Variants in WWC2 observed in about 807,000 individuals in gnomAD.
The protein encoded by WWC2 is protein WWC2.
A neutral mutation model predicts 138.5 loss-of-function variants in WWC2; 101 were observed. The ratio of observed to expected loss-of-function variants is 0.73; its 90% CI spans 0.62 to 0.86. WWC2 has a LOEUF of 0.86. Among genes scored for constraint, WWC2 ranks in the 40% least tolerant of loss-of-function variants. WWC2 has a pLI of 0.00. For synonymous variants in WWC2, 558 were observed against 538.4 expected (o/e 1.04, Z -0.50); for missense variants, 1,420 against 1,419.4 (o/e 1.00, Z -0.01).
At chr4:183,315,595 T>A in intron 22 of WWC2, 68 bp from the exon 23 acceptor site, 1 of 1,290,066 alleles carries the variant, frequency 7.8e-7, no homozygotes, top group East Asian at 2.4e-5. Context: ...TCTTGGGGAC[T>A]GTTTTAATGG....
chr4:183,187,825 A>G (rs959334341), intron 1 of WWC2, among the ~76,000 whole-genome samples: 1 of 151,840 alleles, frequency 6.6e-6, no homozygotes, highest in Non-Finnish European at 1.5e-5. Context: ...GTGAGCCAAG[A>G]TCGTGCCATT....
chr4:183,303,821 G>A (rs1011738643), intron 21 of WWC2, among the ~76,000 whole-genome samples: 2 of 151,414 alleles, frequency 1.3e-5, no homozygotes, highest in Non-Finnish European at 2.9e-5. Context: ...ACTGATGTAG[G>A]CTTATTGTGG....
chr4:183,220,369 C>T (rs1475604787), intron 4 of WWC2, among the ~76,000 whole-genome samples: 1 of 152,098 alleles, frequency 6.6e-6, no homozygotes. Flanking sequence ...TATAGCAGGC[C>T]ATGTGCAGTC....
At chr4:183,262,351 C>G (rs549764762) in intron 11 of WWC2, among the ~76,000 whole-genome samples, 1 of 152,334 alleles carries the variant, frequency 6.6e-6, no homozygotes, top group African/African-American at 2.4e-5. Flanking sequence ...TCATCTACAG[C>G]TGTCCTGTTC....
chr4:183,213,268 G>A (rs1012819526), intron 4 of WWC2, among the ~76,000 whole-genome samples: 1 of 152,222 alleles, frequency 6.6e-6, no homozygotes, highest in African/African-American at 2.4e-5. Flanking sequence ...CCATTCAGAA[G>A]TGGATGGGTA....
At chr4:183,210,425 ATAAGT>A (rs1332761256) in intron 4 of WWC2, among the ~76,000 whole-genome samples, 2 of 152,072 alleles carry the variant, frequency 1.3e-5, no homozygotes, top group Non-Finnish European at 2.9e-5. Flanking sequence ...TTCTTGTTAA[ATAAGT>A]TAAATAAGTA....
intron 8 of WWC2, among the ~76,000 whole-genome samples, chr4:183,252,640 G>C (rs1737014969): frequency 6.6e-6 from 1 of 152,184 alleles, no homozygotes; most frequent in African/African-American, 2.4e-5. Flanking sequence ...CATGCCAGCT[G>C]CCTGTACTAG....
intron 4 of WWC2, among the ~76,000 whole-genome samples, chr4:183,214,004 A>G (rs1460737118): frequency 6.6e-6 from 1 of 152,086 alleles, no homozygotes; most frequent in Non-Finnish European, 1.5e-5. Context: ...TTTTTGGCTA[A>G]TTTTTATTAC....
rs200128539 is a variant in WWC2 at position 183,276,972 on chromosome 4, T to TTTATTATTA, written c.2563-3787_2563-3779dup. Among the ~76,000 whole-genome samples the TTTATTATTA allele has an allele frequency of 9.9e-3, 1,495 of 150,372 alleles. 22 individuals carry two copies. Among genetic ancestry groups the TTTATTATTA allele is most frequent in the African/African-American group, 0.035 (1,435 of 41,122 alleles). ...TTAGTTCATACAGCATCATTTCTTT[T>TTTATTATTA]TTATTATTATTATTATTATTATTAT... On this transcript the variant is annotated intron_variant, in intron 16 of 22. Coordinates refer to ENST00000403733, the MANE Select transcript of WWC2 (RefSeq NM_024949.6).
At chr4:183,231,923 G>C (rs1023073455) in intron 4 of WWC2, among the ~76,000 whole-genome samples, 3 of 152,178 alleles carry the variant, frequency 2.0e-5, no homozygotes, top group Non-Finnish European at 4.4e-5. Context: ...TCAGGTGGGG[G>C]AGAATCAGCG....
intron 1 of WWC2, among the ~76,000 whole-genome samples, chr4:183,124,363 C>CT (rs1176554550): frequency 4.9e-4 from 72 of 147,660 alleles, no homozygotes; most frequent in East Asian, 9.9e-4. Context: ...GTGCTTTTTT[C>CT]TTTTTTTTTT....
At chr4:183,247,560 CTATATAT>C (rs1454987323) in intron 6 of WWC2, among the ~76,000 whole-genome samples, 1 of 139,042 alleles carries the variant, frequency 7.2e-6, no homozygotes, top group African/African-American at 2.7e-5. Flanking sequence ...ACTGTATATA[CTATATAT>C]GCTCTATATA....
chr4:183,279,323 A>G (rs1275971944), intron 16 of WWC2, among the ~76,000 whole-genome samples: 1 of 151,994 alleles, frequency 6.6e-6, no homozygotes, highest in Non-Finnish European at 1.5e-5. Flanking sequence ...CCAGGGATGA[A>G]GCCCACTTGA....
chr4:183,154,738 C>T (rs1221230814), intron 1 of WWC2, among the ~76,000 whole-genome samples: 1 of 152,166 alleles, frequency 6.6e-6, no homozygotes, highest in Non-Finnish European at 1.5e-5. Flanking sequence ...TTGCAGCCAT[C>T]CCCCACATTC....
intron 1 of WWC2, among the ~76,000 whole-genome samples, chr4:183,100,409 G>C (rs1743140126): frequency 6.6e-6 from 1 of 152,140 alleles, no homozygotes; most frequent in Non-Finnish European, 1.5e-5. Context: ...ATGTTTCTGT[G>C]TCCCATATTT....
At chr4:183,176,433 A>G (rs2111173888) in intron 1 of WWC2, among the ~76,000 whole-genome samples, 1 of 151,780 alleles carries the variant, frequency 6.6e-6, no homozygotes, top group South Asian at 2.1e-4. Context: ...TTATTTATTT[A>G]TTTTTTTGAG....
intron 21 of WWC2, among the ~76,000 whole-genome samples, chr4:183,307,458 C>G (rs1739060084): frequency 6.6e-6 from 1 of 152,158 alleles, no homozygotes; most frequent in African/African-American, 2.4e-5. Context: ...GTGAGGCCAG[C>G]ATTATCCTAA....
At chr4:183,277,891 G>C (rs1416008666) in intron 16 of WWC2, among the ~76,000 whole-genome samples, 11 of 151,228 alleles carry the variant, frequency 7.3e-5, no homozygotes, top group African/African-American at 1.9e-4. Context: ...TTTGTCAGAT[G>C]AGTAGGTTGC....
At chr4:183,239,639 C>A (rs370915563) in intron 4 of WWC2, among the ~76,000 whole-genome samples, 2 of 152,114 alleles carry the variant, frequency 1.3e-5, no homozygotes, top group African/African-American at 2.4e-5. Flanking sequence ...AATTTCAGCT[C>A]CTGAAAAATA....
Sources: gnomAD v4.1 joint callset for allele counts (sites outside exome capture counted in the v4.1 genomes callset) on GRCh38, gnomAD v4.1.1 for gene constraint, MANE v1.5 for transcripts, NCBI Gene and HGNC (gene_info 2026-07-23, HGNC 2026-07-21) for gene names.